Variants in SPATA21 observed in about 807,000 individuals in gnomAD.
SPATA21 encodes the protein spermatogenesis-associated protein 21.
SPATA21 carries 47 observed loss-of-function variants against 54.8 expected under a neutral mutation model. That is an observed-to-expected ratio of 0.86 (90% CI 0.68 to 1.09). The LOEUF (loss-of-function observed/expected upper bound fraction) is 1.09. Ranked by LOEUF, SPATA21 falls within the 50% of genes least tolerant of loss-of-function variation. The probability of loss-of-function intolerance (pLI) is 0.00; values close to 1 mark genes in which losing one functional copy is unlikely to be tolerated. For synonymous variants in SPATA21, 245 were observed against 235.3 expected (o/e 1.04, Z -0.38); for missense variants, 599 against 596.4 (o/e 1.00, Z -0.05).
At position 16,437,235 on chromosome 1, in the gene SPATA21, G is replaced by A. The variant is rs962185303; in HGVS notation, c.-294C>T. 4 of 152,226 alleles carry A rather than the reference G, an allele frequency of 2.6e-5. No homozygotes were observed. The highest frequency in any genetic ancestry group is 9.6e-5 in the African/African-American group (4 of 41,452). 9.4% of individuals were successfully genotyped at this position (152,226 alleles called of 1,614,324 possible). On this transcript the variant is annotated 5_prime_UTR_variant, in exon 1 of 13. Coordinates refer to ENST00000335496, the MANE Select transcript of SPATA21 (RefSeq NM_198546.1). ...ATACTTTGCCTGTTGGCTTGAATTG[G>A]ATTTGTTTGGTATACAGGGCAGTTA...
At chr1:16,412,675 C>A (rs576087421) in intron 5 of SPATA21, among the ~76,000 whole-genome samples, 12 of 152,076 alleles carry the variant, frequency 7.9e-5, no homozygotes, top group Non-Finnish European at 1.6e-4. Context: ...GTTGGCCAAA[C>A]TGGTCTCGAA....
chr1:16,416,207 T>C (rs1427496233), intron 5 of SPATA21, among the ~76,000 whole-genome samples: 1 of 152,206 alleles, frequency 6.6e-6, no homozygotes, highest in East Asian at 1.9e-4. Flanking sequence ...GGTGCTCTAG[T>C]CTAGTATTTC....
At chr1:16,404,707 G>A (rs2085572317) in intron 8 of SPATA21, among the ~76,000 whole-genome samples, 1 of 152,192 alleles carries the variant, frequency 6.6e-6, no homozygotes, top group Non-Finnish European at 1.5e-5. Flanking sequence ...TTACTCAGGA[G>A]GCTGAGGTGG....
intron 8 of SPATA21, among the ~76,000 whole-genome samples, chr1:16,404,590 G>A (rs991673812): frequency 2.6e-5 from 4 of 152,198 alleles, no homozygotes; most frequent in Non-Finnish European, 5.9e-5. Context: ...GCTGAGGCAG[G>A]CAGATTCCTT....
Position 16,400,854 on chromosome 1 carries a change from G to A in SPATA21, c.1040C>T (p.Ala347Val). 6.2e-7 allele frequency: 1 copy of A among 1,613,916 alleles called. No individual in the cohort carries two copies. The highest frequency in any genetic ancestry group is 8.5e-7 in the Non-Finnish European group (1 of 1,179,932). ...GCCTACGGCCGCTTCCATCTCCTGGGCCTTGCAGGTGCCTTCCTTCAGCTT... is the reference window on the plus strand; with the variant it reads ...GCCTACGGCCGCTTCCATCTCCTGGACCTTGCAGGTGCCTTCCTTCAGCTT... ...QKKLKEGTCKAQEMEAAVGRL... is the reference protein window; with the variant it reads ...QKKLKEGTCKVQEMEAAVGRL... The change falls in exon 11 of 13, where the codon GCC becomes GTC. Residue 347 changes from alanine (A) to valine (V), a missense_variant. Physicochemically the swap from Ala to Val is moderately conservative, Grantham distance 64. Coordinates refer to ENST00000335496, the MANE Select transcript of SPATA21 (RefSeq NM_198546.1).
chr1:16,408,977 G>T, intron 7 of SPATA21, 141 bp downstream of exon 7: 2 of 811,200 alleles, frequency 2.5e-6, no homozygotes, highest in Non-Finnish European at 3.9e-6. Flanking sequence ...TAGGCCAAGT[G>T]CAGAAAACCC....
At chr1:16,406,957 G>A (rs2085661487) in intron 7 of SPATA21, among the ~76,000 whole-genome samples, 1 of 152,218 alleles carries the variant, frequency 6.6e-6, no homozygotes, top group Admixed American at 6.5e-5. Context: ...TCCAGTCTGT[G>A]GTCCTTTGTT....
In SPATA21 at chr1:16,400,878, T is replaced by C; in HGVS notation, c.1016A>G (p.Lys339Arg). 6.2e-7 allele frequency: 1 copy of C among 1,612,438 alleles called. No individual in the cohort carries two copies. The change falls in exon 11 of 13, where the codon AAG becomes AGG. Residue 339 changes from lysine to arginine, a missense_variant. Transcript: ENST00000335496. ...GGCCTTGCAGGTGCCTTCCTTCAGCTTTTTCTGGTAGTAGCTGGGGAGGCA... is the reference window on the plus strand; with the variant it reads ...GGCCTTGCAGGTGCCTTCCTTCAGCCTTTTCTGGTAGTAGCTGGGGAGGCA... ...LEEITNYYQK[K>R]LKEGTCKAQE...
intron 3 of SPATA21, among the ~76,000 whole-genome samples, chr1:16,424,205 T>G (rs867280939): frequency 8.8e-3 from 23 of 2,616 alleles, no homozygotes; most frequent in South Asian, 0.032. Context: ...CCCAGCACTT[T>G]GGGAGGCTGA....
rs148504029 is a variant in SPATA21, at chr1:16,399,303, C to A, written c.1352+41G>T. Reference sequence around the variant, plus strand: ...GGCCAGGGGCCTCTTAAGGAAGAATCTGGAAGGGCCTGGGCTGGGACCCTT... The same window carrying A: ...GGCCAGGGGCCTCTTAAGGAAGAATATGGAAGGGCCTGGGCTGGGACCCTT... On this transcript the variant is annotated intron_variant, in intron 12 of 12. Coordinates refer to ENST00000335496, the MANE Select transcript of SPATA21 (RefSeq NM_198546.1). The A allele has an allele frequency of 5.2e-6, 8 of 1,550,628 alleles. No homozygotes were observed. In the East Asian group the frequency reaches 1.8e-4, roughly 35 times the overall value.
In SPATA21 at chr1:16,409,768, C is replaced by G. The variant is rs567969050; in HGVS notation, c.420G>C (p.Ser140=). The change falls in exon 6 of 13, where the codon TCG becomes TCC. Residue 140 remains serine, a synonymous_variant. Transcript: ENST00000335496. This position sits in a 1 kb window ranked among gnomAD's most constrained non-coding sequence, Gnocchi z 4.1. ...TPASVPASGP[S]WARLPAPGPE... ...GCCCAGGAGCTGGCAGCCGGGCCCA[C>G]GATGGGCCGCTGGCAGGGACCGAGG... 34 of 1,605,096 alleles carry G rather than the reference C, an allele frequency of 2.1e-5. 1 individual carries two copies. The South Asian group carries it at 3.3e-4, about 16-fold the overall frequency.
upstream of SPATA21, among the ~76,000 whole-genome samples, chr1:16,437,688 C>T (rs2086615185): frequency 6.6e-6 from 1 of 152,128 alleles, no homozygotes; most frequent in Non-Finnish European, 1.5e-5. Flanking sequence ...ATCCCAGTGA[C>T]CCCAGTACTC....
chr1:16,431,342 C>A lies in SPATA21; in HGVS notation c.30G>T (p.Thr10=), dbSNP rs772381252. 1 of 1,614,092 alleles carries A rather than the reference C, an allele frequency of 6.2e-7. No homozygotes were observed. The highest frequency in any genetic ancestry group is 1.1e-5 in the South Asian group (1 of 91,082). Residue 10 remains threonine (T), a synonymous_variant, in exon 3 of 13, where the codon ACG becomes ACT. Coordinates refer to ENST00000335496, the MANE Select transcript of SPATA21 (RefSeq NM_198546.1). ...TCCCTGGAGCCTTGGTTCTACCCTC[C>A]GTGTACATCTGGGTGTTTCTATTGT... is the stretch of plus-strand genomic sequence containing the variant. The part of the protein sequence containing the change: MDNRNTQMY[T]EEEKTVNPFL...
In SPATA21 at chr1:16,409,721, G is replaced by T; in HGVS notation, c.467C>A (p.Ala156Asp). 2 of 1,612,262 alleles carry T rather than the reference G, an allele frequency of 1.2e-6. No individual in the cohort carries two copies. Among genetic ancestry groups the T allele is most frequent in the Non-Finnish European group, 8.5e-7 (1 of 1,179,632 alleles). The change falls in exon 6 of 13, where the codon GCC becomes GAC. Residue 156 changes from alanine to aspartate, a missense_variant. Transcript: ENST00000335496. The surrounding 1 kb of genome is among the most constrained non-coding windows in gnomAD (Gnocchi z 4.1). ...GCAAGGCATGGAGGTGGGGACCGGG[G>T]CTCCCATGGGGGCAGGTTCTGGCCC... ...APGPEPAPMGAPVPTSMPCPV... is the reference protein window; with the variant it reads ...APGPEPAPMGDPVPTSMPCPV...
intron 8 of SPATA21, 137 bp downstream of exon 8, chr1:16,404,830 C>T: frequency 1.0e-6 from 1 of 988,576 alleles, no homozygotes; most frequent in Non-Finnish European, 1.4e-6. Context: ...ACAACAAAGG[C>T]ATTTCTAGAC....
intron 3 of SPATA21, chr1:16,427,722 G>A: frequency 3.6e-6 from 3 of 844,290 alleles, no homozygotes; most frequent in Admixed American, 2.9e-5. Context: ...AGTGCAACTG[G>A]TGCAATGAAA....
At chr1:16,403,931 C>G (rs376997868) in intron 9 of SPATA21, 37 bp downstream of exon 9, 146 of 1,612,026 alleles carry the variant, frequency 9.1e-5, no homozygotes, top group Non-Finnish European at 1.2e-4. Flanking sequence ...CCAGCCCCTC[C>G]TCCAGTTCTG....
intron 5 of SPATA21, among the ~76,000 whole-genome samples, chr1:16,411,808 A>AG (rs199742701): frequency 1.2e-5 from 1 of 81,526 alleles, no homozygotes; most frequent in Non-Finnish European, 2.9e-5. Flanking sequence ...AAAAAAAAAA[A>AG]CAAAACAAAA....
chr1:16,409,525 AG>A lies in SPATA21; in HGVS notation c.587+75del, dbSNP rs2085760373. On this transcript the variant is annotated intron_variant, in intron 6 of 12. Transcript: ENST00000335496. This position sits in a 1 kb window ranked among gnomAD's most constrained non-coding sequence, Gnocchi z 4.1. The stretch of plus-strand genomic sequence containing the variant: ...CGAGGGAACAGGCAGGTGCAGGGAC[AG>A]GGACCTGCATCCGGGACAAGGCTCT... 4.2e-6 allele frequency: 6 copies of A among 1,444,494 alleles called. No homozygotes were observed. Among genetic ancestry groups the A allele is most frequent in the South Asian group, 1.3e-5 (1 of 77,826 alleles). 89.5% of individuals were successfully genotyped at this position (1,444,494 alleles called of 1,614,324 possible).
Sources: allele counts gnomAD v4.1 joint callset (sites outside exome capture counted in the v4.1 genomes callset), GRCh38; gene constraint gnomAD v4.1.1; non-coding constraint Gnocchi (gnomAD v3.1); transcripts MANE v1.5; gene names NCBI Gene and HGNC (gene_info 2026-07-23, HGNC 2026-07-21).